CEACAM21: variants seen among roughly 807,000 people sequenced by gnomAD.
The protein encoded by CEACAM21 is cell adhesion molecule CEACAM21.
Under a neutral mutation model 33.2 loss-of-function variants are expected in CEACAM21, and 38 were observed. The observed-to-expected ratio is 1.14, with a 90% CI of 0.88 to 1.50. CEACAM21 has a LOEUF of 1.50. Ranked by LOEUF, CEACAM21 falls within the 40% of genes most tolerant of loss-of-function variation. The probability of loss-of-function intolerance (pLI) is 0.00; values close to 1 mark genes in which losing one functional copy is unlikely to be tolerated. For missense variants in CEACAM21, 385 were observed against 364.6 expected (o/e 1.06, Z -0.46); for synonymous variants, 156 against 143.0 (o/e 1.09, Z -0.65).
At chr19:41,576,454 G>A (rs1345824487) in intron 1 of CEACAM21, 116 bp downstream of exon 1, 1 of 1,158,078 alleles carries the variant, frequency 8.6e-7, no homozygotes, top group Admixed American at 3.0e-5. Flanking sequence ...AGAGACTCAG[G>A]GGAGAGAGCG....
At chr19:41,562,706 G>A (rs2041965514) in intron 1 of CEACAM21, among the ~76,000 whole-genome samples, 1 of 151,586 alleles carries the variant, frequency 6.6e-6, no homozygotes, top group Admixed American at 6.6e-5. Context: ...AAAAAAGCAA[G>A]TATTTGAAAA....
intron 1 of CEACAM21, 30 bp downstream of exon 1, chr19:41,576,368 G>T (rs1555791041): frequency 1.3e-6 from 2 of 1,596,266 alleles, no homozygotes; most frequent in Non-Finnish European, 1.7e-6. Context: ...GGAGTGGGTG[G>T]GAGGAGGGAG....
chr19:41,567,021 A>C (rs1555788473), intron 2 of CEACAM21, among the ~76,000 whole-genome samples: 1 of 152,046 alleles, frequency 6.6e-6, no homozygotes, highest in African/African-American at 2.4e-5. Flanking sequence ...TTTTTTGATT[A>C]ATCAATTTAT....
intron 3 of CEACAM21, among the ~76,000 whole-genome samples, chr19:41,580,923 T>C (rs1372988409): frequency 6.6e-6 from 1 of 152,244 alleles, no homozygotes; most frequent in African/African-American, 2.4e-5. Flanking sequence ...AGCCTCATTC[T>C]GAAGTTGCCT....
At chr19:41,560,432 G>A (rs1555786579) in intron 1 of CEACAM21, among the ~76,000 whole-genome samples, 1 of 152,100 alleles carries the variant, frequency 6.6e-6, no homozygotes, top group East Asian at 1.9e-4. Flanking sequence ...ATTTTGCCCA[G>A]ACTGGTCTTG....
At chr19:41,549,860 T>C (rs2041115829) in intron 1 of CEACAM21, among the ~76,000 whole-genome samples, 2 of 152,200 alleles carry the variant, frequency 1.3e-5, no homozygotes, top group Non-Finnish European at 2.9e-5. Context: ...GCCCAATTTT[T>C]TTTTAATTCC....
chr19:41,551,986 T>C (rs1298480883), intron 1 of CEACAM21: 6 of 152,040 alleles, frequency 3.9e-5, no homozygotes, highest in Non-Finnish European at 7.4e-5. Context: ...GCAGATAAAC[T>C]GGGGAGGAAG....
intron 1 of CEACAM21, among the ~76,000 whole-genome samples, chr19:41,563,226 G>T (rs536056947): frequency 6.6e-6 from 1 of 152,274 alleles, no homozygotes; most frequent in Admixed American, 6.5e-5. Flanking sequence ...TTCTTAAGGT[G>T]GGTGAAGATA....
intron 5 of CEACAM21, 118 bp from the exon 6 acceptor site, chr19:41,585,722 T>C: frequency 8.4e-7 from 1 of 1,187,462 alleles, no homozygotes; most frequent in Non-Finnish European, 1.2e-6. Flanking sequence ...ACCCCTAAAA[T>C]AACCTGAGAA....
At chr19:41,564,044 A>G (rs782096005) in intron 1 of CEACAM21, among the ~76,000 whole-genome samples, 3 of 152,196 alleles carry the variant, frequency 2.0e-5, no homozygotes, top group Admixed American at 1.3e-4. Flanking sequence ...GCAACAACAC[A>G]TCATCACCAG....
Position 41,579,588 on chromosome 19 carries a change from C to G in CEACAM21, c.660C>G (p.Val220=), listed in dbSNP as rs369512395. The G allele has an allele frequency of 8.6e-4, 1,367 of 1,585,780 alleles. 1 individual carries two copies. Among genetic ancestry groups the G allele is most frequent in the Non-Finnish European group, 1.1e-3 (1,249 of 1,165,740 alleles). ...GEYQCEVSNP[V]SSNRSDPLKL... is the part of the protein sequence containing the mutation. ...ATCAGTGTGAGGTCTCCAACCCAGT[C>G]AGCTCCAACAGGAGCGACCCCCTCA... Residue 220 remains valine (V), a synonymous_variant, in exon 3 of 7, where the codon GTC becomes GTG. Coordinates refer to ENST00000401445, the MANE Select transcript of CEACAM21 (RefSeq NM_001098506.4).
At chr19:41,569,814 C>T (rs1258461731) in intron 2 of CEACAM21, among the ~76,000 whole-genome samples, 12 of 152,136 alleles carry the variant, frequency 7.9e-5, no homozygotes, top group African/African-American at 2.4e-4. Flanking sequence ...AATAGGAAAA[C>T]GCTATGCTTT....
chr19:41,561,158 C>A (rs2041860016), intron 1 of CEACAM21, among the ~76,000 whole-genome samples: 1 of 152,096 alleles, frequency 6.6e-6, no homozygotes, highest in Non-Finnish European at 1.5e-5. Context: ...TGAATAACAG[C>A]AAATGCAATT....
At chr19:41,579,059 TA>T (rs2043169100) in intron 2 of CEACAM21, among the ~76,000 whole-genome samples, 1 of 152,156 alleles carries the variant, frequency 6.6e-6, no homozygotes, top group Non-Finnish European at 1.5e-5. Flanking sequence ...TGCCTGCTCC[TA>T]AAGCCACCCC....
chr19:41,585,615 C>A, intron 5 of CEACAM21, 120 bp downstream of exon 5: 1 of 1,200,368 alleles, frequency 8.3e-7, no homozygotes, highest in Admixed American at 2.0e-5. Flanking sequence ...AAGAGGATCC[C>A]ATAAAACATC....
intron 3 of CEACAM21, among the ~76,000 whole-genome samples, chr19:41,580,533 G>T (rs537722417): frequency 1.3e-5 from 2 of 152,272 alleles, no homozygotes; most frequent in Non-Finnish European, 2.9e-5. Flanking sequence ...GTTTGGGTTG[G>T]ATTAGTTTGC....
intron 1 of CEACAM21, among the ~76,000 whole-genome samples, chr19:41,564,419 T>C (rs2042121130): frequency 6.6e-6 from 1 of 152,118 alleles, no homozygotes; most frequent in Non-Finnish European, 1.5e-5. Flanking sequence ...TCGCCTTAGC[T>C]AATCCTGCGT....
chr19:41,553,428 C>G (rs2041345233), intron 1 of CEACAM21, among the ~76,000 whole-genome samples: 1 of 152,030 alleles, frequency 6.6e-6, no homozygotes, highest in Non-Finnish European at 1.5e-5. Flanking sequence ...TTACTAAAGA[C>G]AAATTACGAC....
At chr19:41,562,854 A>G (rs2041980362) in intron 1 of CEACAM21, among the ~76,000 whole-genome samples, 1 of 151,796 alleles carries the variant, frequency 6.6e-6, no homozygotes, top group African/African-American at 2.4e-5. Flanking sequence ...TCAGCCTCCC[A>G]AGTAGCTGGG....
Sources: allele counts gnomAD v4.1 joint callset (sites outside exome capture counted in the v4.1 genomes callset), GRCh38; gene constraint gnomAD v4.1.1; transcripts MANE v1.5; gene names NCBI Gene and HGNC (gene_info 2026-07-23, HGNC 2026-07-21).